PDE3B: variants seen among roughly 807,000 people sequenced by gnomAD.
PDE3B encodes cGMP-inhibited 3',5'-cyclic phosphodiesterase 3B.
Under a neutral mutation model 116.8 loss-of-function variants are expected in PDE3B, and 66 were observed. The observed-to-expected ratio is 0.56, with a 90% CI of 0.46 to 0.69. The LOEUF is 0.69. Among genes scored for constraint, PDE3B ranks in the 30% least tolerant of loss-of-function variants. The pLI, the probability that PDE3B is intolerant of heterozygous loss-of-function variation, is 0.00. For synonymous variants in PDE3B, 595 were observed against 533.6 expected (o/e 1.12, Z -1.59); for missense variants, 1,384 against 1,368.1 (o/e 1.01, Z -0.18).
the PDE3B span, among the ~76,000 whole-genome samples, chr11:14,899,155 C>T: frequency 2.6e-5 from 4 of 151,982 alleles, no homozygotes; most frequent in African/African-American, 9.7e-5. Flanking sequence ...TCAATGATTA[C>T]CTCATTTTTT....
At chr11:14,799,757 C>CTTTTTTTTTTTTTTTTTTCTTTTTT (rs60506229) in intron 4 of PDE3B, among the ~76,000 whole-genome samples, 1 of 108,036 alleles carries the variant, frequency 9.3e-6, no homozygotes, top group Admixed American at 9.7e-5. Context: ...CAACTCCTGC[C>CTTTTTTTTTTTTTTTTTTCTTTTTT]TTTTTTTTTT....
the PDE3B span, among the ~76,000 whole-genome samples, chr11:14,884,790 CAAT>C: frequency 6.6e-6 from 1 of 151,942 alleles, no homozygotes; most frequent in South Asian, 2.1e-4. Flanking sequence ...ACAGTCTAAA[CAAT>C]AAATTTACAG....
intron 4 of PDE3B, among the ~76,000 whole-genome samples, chr11:14,797,151 T>C (rs925531688): frequency 1.3e-5 from 2 of 152,218 alleles, no homozygotes; most frequent in African/African-American, 4.8e-5. Flanking sequence ...TGTGTCAGGT[T>C]TGTCAAAGAT....
At position 14,786,655 on chromosome 11, in the gene PDE3B, A is replaced by G. The variant is rs1565136913; in HGVS notation, c.1248A>G (p.Pro416=). The G allele has an allele frequency of 6.2e-7, 1 of 1,612,048 alleles. No homozygotes were observed. ...GFYPCSEIED[P]AEKGDRKLNK... ...ACCCCTGTTCTGAAATAGAGGACCC[A>G]GCTGAGAAAGGGGATAGAAAACTTA... is the stretch of plus-strand genomic sequence containing the variant. Residue 416 remains proline, a synonymous_variant, in exon 3 of 16, where the codon CCA becomes CCG. Transcript: ENST00000282096.
chr11:14,655,342 C>T (rs890962463), intron 1 of PDE3B, among the ~76,000 whole-genome samples: 14 of 152,142 alleles, frequency 9.2e-5, no homozygotes, highest in African/African-American at 3.4e-4. Flanking sequence ...TATACATACA[C>T]ATATATACAC....
intron 1 of PDE3B, among the ~76,000 whole-genome samples, chr11:14,651,872 G>A (rs996789947): frequency 1.3e-5 from 2 of 152,112 alleles, no homozygotes; most frequent in Non-Finnish European, 2.9e-5. Context: ...TGCATCTTGT[G>A]TTAATACCAC....
chr11:14,708,042 C>T (rs1242927196), intron 1 of PDE3B, among the ~76,000 whole-genome samples: 1 of 152,004 alleles, frequency 6.6e-6, no homozygotes, highest in Admixed American at 6.6e-5. Flanking sequence ...CCTCTTCAAA[C>T]CTCATGTTGA....
intron 1 of PDE3B, among the ~76,000 whole-genome samples, chr11:14,728,814 A>T (rs1565111425): frequency 6.6e-6 from 1 of 152,188 alleles, no homozygotes; most frequent in Non-Finnish European, 1.5e-5. Flanking sequence ...CTACTATATA[A>T]GCTTGCAGGT....
Position 14,653,574 on chromosome 11 carries a change from C to CCAAAAAAACCAA in PDE3B, c.978+8533_978+8544dup, listed in dbSNP as rs567489588. 2.5e-3 allele frequency among the ~76,000 whole-genome samples: 381 copies of CCAAAAAAACCAA among 151,044 alleles called. 1 individual carries two copies. Among genetic ancestry groups the CCAAAAAAACCAA allele is most frequent in the Middle Eastern group, 0.024 (7 of 294 alleles). Reference sequence around the variant, plus strand: ...AGCAAGACTCCGTCTCAAAAAAAAACCAAAAAAACCAACAAAAAAACCACA... The same window carrying CCAAAAAAACCAA: ...AGCAAGACTCCGTCTCAAAAAAAAACCAAAAAAACCAACAAAAAAACCAACAAAAAAACCACA... On this transcript the variant is annotated intron_variant, in intron 1 of 15. Coordinates refer to ENST00000282096, the MANE Select transcript of PDE3B (RefSeq NM_000922.4).
downstream of PDE3B, among the ~76,000 whole-genome samples, chr11:14,876,445 A>G (rs926046556): frequency 6.6e-6 from 1 of 152,160 alleles, no homozygotes; most frequent in African/African-American, 2.4e-5. Flanking sequence ...CTGACTCTTC[A>G]TAATTATCCC....
chr11:14,742,779 G>A (rs183718964), intron 1 of PDE3B, among the ~76,000 whole-genome samples: 8 of 151,848 alleles, frequency 5.3e-5, no homozygotes, highest in African/African-American at 1.4e-4. Flanking sequence ...GTGGACATGC[G>A]ATTTCTTTCT....
downstream of PDE3B, among the ~76,000 whole-genome samples, chr11:14,875,427 A>G (rs1339775720): frequency 2.6e-5 from 4 of 152,178 alleles, no homozygotes; most frequent in Admixed American, 2.0e-4. Flanking sequence ...TACATGAGAA[A>G]AAACAAGTGT....
At chr11:14,805,422 A>C (rs1201909516) in intron 5 of PDE3B, among the ~76,000 whole-genome samples, 1 of 152,122 alleles carries the variant, frequency 6.6e-6, no homozygotes, top group African/African-American at 2.4e-5. Context: ...TAGGAATAAA[A>C]ATTTTTTTTA....
At chr11:14,833,783 T>C (rs1226703256) in intron 10 of PDE3B, among the ~76,000 whole-genome samples, 1 of 152,200 alleles carries the variant, frequency 6.6e-6, no homozygotes, top group African/African-American at 2.4e-5. Context: ...TGTTTAATAA[T>C]TTAAGATGAG....
Position 14,818,122 on chromosome 11 carries a change from A to T in PDE3B, c.1523-61A>T, listed in dbSNP as rs1474178438. 6 of 1,048,564 alleles carry T rather than the reference A, an allele frequency of 5.7e-6. No individual in the cohort carries two copies. The East Asian group carries it at 1.3e-4, about 23-fold the overall frequency. The allele number at this position is 1,048,564 out of a possible 1,614,324, so 65.0% of individuals were successfully genotyped here. A position where few individuals can be genotyped will look rare whatever the true frequency, so the allele number is the denominator to read the frequency against. ...ATCCATAAAAACACAAATATATTTA[A>T]TAAACATACACACATAAATACATTC... On this transcript the variant is annotated intron_variant, in intron 5 of 15. Transcript: ENST00000282096.
chr11:14,778,160 C>T (rs1857848901), intron 2 of PDE3B, among the ~76,000 whole-genome samples: 1 of 152,172 alleles, frequency 6.6e-6, no homozygotes, highest in Non-Finnish European at 1.5e-5. Flanking sequence ...GTAAACAAAG[C>T]AGCCCTGAAG....
At chr11:14,662,399 G>A (rs1053675568) in intron 1 of PDE3B, among the ~76,000 whole-genome samples, 11 of 152,156 alleles carry the variant, frequency 7.2e-5, no homozygotes, top group African/African-American at 1.4e-4. Flanking sequence ...AAAGCAGAAC[G>A]CCTCTCCTCC....
At chr11:14,844,589 A>T (rs1334736860) in intron 12 of PDE3B, among the ~76,000 whole-genome samples, 1 of 152,224 alleles carries the variant, frequency 6.6e-6, no homozygotes, top group Non-Finnish European at 1.5e-5. Context: ...TAGTCAAAGA[A>T]AGGGGTGACA....
intron 12 of PDE3B, among the ~76,000 whole-genome samples, chr11:14,857,718 C>T (rs1302255417): frequency 6.6e-6 from 1 of 152,118 alleles, no homozygotes; most frequent in African/African-American, 2.4e-5. Context: ...CGAACTTGCT[C>T]ATTTTTTTAA....
Sources: gnomAD v4.1 joint callset for allele counts (sites outside exome capture counted in the v4.1 genomes callset) on GRCh38, gnomAD v4.1.1 for gene constraint, MANE v1.5 for transcripts, NCBI Gene and HGNC (gene_info 2026-07-23, HGNC 2026-07-21) for gene names.